Variants in PLD5 observed in about 807,000 individuals in gnomAD.
PLD5 encodes inactive phospholipase D5.
PLD5 carries 36 observed loss-of-function variants against 61.1 expected under a neutral mutation model. The observed-to-expected ratio is 0.59, with a 90% CI of 0.45 to 0.78. PLD5 has a LOEUF of 0.78. Among genes scored for constraint, PLD5 ranks in the 30% least tolerant of loss-of-function variants. PLD5 has a pLI of 0.00. For missense variants in PLD5, 515 were observed against 644.4 expected, an observed-to-expected ratio of 0.80 and a Z score of 2.17; for synonymous variants, 243 against 242.8, an observed-to-expected ratio of 1.00 and a Z score of -0.01.
intron 4 of PLD5, among the ~76,000 whole-genome samples, chr1:242,232,606 G>A (rs1671379428): frequency 6.6e-6 from 1 of 152,036 alleles, no homozygotes; most frequent in Admixed American, 6.6e-5. Context: ...CAGGTGTGGT[G>A]CTCAGATGGG....
intron 2 of PLD5, among the ~76,000 whole-genome samples, chr1:242,344,494 C>T (rs1273058199): frequency 3.3e-5 from 5 of 151,942 alleles, no homozygotes; most frequent in East Asian, 1.9e-4. Flanking sequence ...TAAGTGAAGA[C>T]GTGGGAGGAA....
chr1:242,322,516 T>C (rs2149189442), intron 2 of PLD5, among the ~76,000 whole-genome samples: 1 of 152,324 alleles, frequency 6.6e-6, no homozygotes, highest in South Asian at 2.1e-4. Flanking sequence ...TTTTATCAGC[T>C]ATATATCTAT....
At chr1:242,517,675 T>C (rs1669147300) in intron 1 of PLD5, among the ~76,000 whole-genome samples, 1 of 152,228 alleles carries the variant, frequency 6.6e-6, no homozygotes, top group Admixed American at 6.5e-5. Context: ...TATTTAATCA[T>C]AACACTGCCA....
chr1:242,355,786 G>A (rs1216463710), intron 1 of PLD5, among the ~76,000 whole-genome samples: 2 of 152,028 alleles, frequency 1.3e-5, no homozygotes, highest in African/African-American at 4.8e-5. Context: ...ATTTTGGTAT[G>A]TTGTGTTTCC....
At chr1:242,144,850 C>T (rs1182214066) in intron 5 of PLD5, among the ~76,000 whole-genome samples, 3 of 151,914 alleles carry the variant, frequency 2.0e-5, no homozygotes, top group African/African-American at 7.3e-5. Context: ...AAGTGGGTGG[C>T]TTGAGTGAAC....
rs1357471454 is a variant in PLD5, at chr1:242,524,370, G to C, written c.-94C>G. The C allele has an allele frequency of 1.7e-6, 2 of 1,210,082 alleles. No homozygotes were observed. Among genetic ancestry groups the C allele is most frequent in the Non-Finnish European group, 2.1e-6 (2 of 935,826 alleles). 75.0% of individuals were successfully genotyped at this position (1,210,082 alleles called of 1,614,324 possible). A position where few individuals can be genotyped will look rare whatever the true frequency, so the allele number is the denominator to read the frequency against. The stretch of plus-strand genomic sequence containing the variant: ...AGGGCGAGCGGGAGGCCCAGCGGGA[G>C]CCGGAGGTGGAGCTGGAGACTGAGC... On this transcript the variant is annotated 5_prime_UTR_variant, in exon 1 of 10. Transcript: ENST00000536534.
intron 2 of PLD5, among the ~76,000 whole-genome samples, chr1:242,295,508 T>C (rs1418900742): frequency 1.3e-5 from 2 of 152,236 alleles, no homozygotes; most frequent in Non-Finnish European, 2.9e-5. Context: ...TTGCATGGTG[T>C]ATACATACCA....
At chr1:242,427,346 A>G (rs1488178285) in intron 1 of PLD5, among the ~76,000 whole-genome samples, 1 of 152,228 alleles carries the variant, frequency 6.6e-6, no homozygotes, top group Non-Finnish European at 1.5e-5. Flanking sequence ...ACCAAATAAT[A>G]TTGTCACCTT....
At chr1:242,272,011 T>C (rs989062169) in intron 3 of PLD5, among the ~76,000 whole-genome samples, 1 of 152,002 alleles carries the variant, frequency 6.6e-6, no homozygotes, top group Non-Finnish European at 1.5e-5. Context: ...TATAATATCA[T>C]GGGAGGCAGT....
rs1490068034 is a variant in PLD5, at chr1:242,318,613, G to A, written c.326+29493C>T. Among the ~76,000 whole-genome samples, 5 of 152,072 alleles carry A rather than the reference G, an allele frequency of 3.3e-5. No homozygotes were observed. The South Asian group carries it at 6.2e-4, about 19-fold the overall frequency. ...CCAAAGGGAAATGTCAAGTGTGCTG[G>A]TCAAGAAAAAGGATTTTATAACTTT... On this transcript the variant is annotated intron_variant, in intron 2 of 9. Coordinates refer to ENST00000536534, the MANE Select transcript of PLD5 (RefSeq NM_001372062.1).
chr1:242,373,292 A>AG (rs1417114989), intron 1 of PLD5, among the ~76,000 whole-genome samples: 2 of 152,218 alleles, frequency 1.3e-5, no homozygotes, highest in Non-Finnish European at 2.9e-5. Flanking sequence ...TTAAAAAGTC[A>AG]GGAAACAACA....
rs1419579461 is a variant in PLD5 at position 242,437,048 on chromosome 1, A to G, written c.189+87040T>C. Among the ~76,000 whole-genome samples the G allele has an allele frequency of 2.0e-5, 3 of 152,148 alleles. 1 individual carries two copies. The highest frequency in any genetic ancestry group is 7.2e-5 in the African/African-American group (3 of 41,446). ...CCTGAAAGTTGAACCCCTTTGTCAG[A>G]GGTTTATATGTGATCTCGATTAGTC... On this transcript the variant is annotated intron_variant, in intron 1 of 9. Transcript: ENST00000536534.
At chr1:242,425,639 CTTT>C (rs35709516) in intron 1 of PLD5, among the ~76,000 whole-genome samples, 1 of 129,886 alleles carries the variant, frequency 7.7e-6, no homozygotes, top group Non-Finnish European at 1.6e-5. Context: ...CTTACTGTAA[CTTT>C]TTTTTTTTTT....
chr1:242,281,973 G>A (rs961694133), intron 3 of PLD5, among the ~76,000 whole-genome samples: 4 of 152,126 alleles, frequency 2.6e-5, no homozygotes, highest in Non-Finnish European at 5.9e-5. Flanking sequence ...AGAGTCTCAC[G>A]TTTGCAGAAA....
rs1574266712 is a variant in PLD5, at chr1:242,085,855, C to T, written c.*3999G>A. On this transcript the variant is annotated 3_prime_UTR_variant, in exon 10 of 10. Transcript: ENST00000536534. ...AATGAATTTTGGACACAGAAACACA[C>T]ACCAGTGGTCATACGTGTGGAAAAA... The T allele has an allele frequency of 1.3e-5, 2 of 149,226 alleles. No individual in the cohort carries two copies. The highest frequency in any genetic ancestry group is 5.0e-5 in the African/African-American group (2 of 40,060). The allele number at this position is 149,226 out of a possible 1,614,324, so 9.2% of individuals were successfully genotyped here. A position where few individuals can be genotyped will look rare whatever the true frequency, so the allele number is the denominator to read the frequency against.
At chr1:242,276,568 A>T (rs1674427186) in intron 3 of PLD5, among the ~76,000 whole-genome samples, 1 of 151,254 alleles carries the variant, frequency 6.6e-6, no homozygotes, top group Admixed American at 6.6e-5. Context: ...AGTGGTGGCC[A>T]GAATATGCAA....
At chr1:242,330,672 T>C (rs1021000196) in intron 2 of PLD5, among the ~76,000 whole-genome samples, 6 of 152,068 alleles carry the variant, frequency 3.9e-5, no homozygotes, top group Non-Finnish European at 8.8e-5. Context: ...ATTGAAAAAA[T>C]AGAAATCCCA....
At chr1:242,116,117 G>A (rs1251913601) in intron 6 of PLD5, among the ~76,000 whole-genome samples, 1 of 152,150 alleles carries the variant, frequency 6.6e-6, no homozygotes, top group Non-Finnish European at 1.5e-5. Context: ...AGGACCAAAA[G>A]GCTGAATAAA....
chr1:242,282,122 T>C (rs934331812), intron 3 of PLD5, among the ~76,000 whole-genome samples: 2 of 152,292 alleles, frequency 1.3e-5, no homozygotes, highest in Middle Eastern at 3.4e-3. Context: ...TGAATAACAA[T>C]ATTCACGATC....
Sources: gnomAD v4.1 joint callset for allele counts (sites outside exome capture counted in the v4.1 genomes callset) on GRCh38, gnomAD v4.1.1 for gene constraint, MANE v1.5 for transcripts, NCBI Gene and HGNC (gene_info 2026-07-23, HGNC 2026-07-21) for gene names.